The following CD300C variants were observed in gnomAD, a reference collection of about 807,000 sequenced individuals.
CD300C encodes CMRF35-like molecule 6.
A neutral mutation model predicts 18.4 loss-of-function variants in CD300C; 11 were observed. The ratio of observed to expected loss-of-function variants is 0.60; its 90% CI spans 0.38 to 0.99. CD300C has a LOEUF of 0.99. Ranked by LOEUF, CD300C falls within the 50% of genes least tolerant of loss-of-function variation. The pLI is 0.01. For synonymous variants in CD300C, 116 were observed against 116.3 expected, an observed-to-expected ratio of 1.00 and a Z score of 0.02; for missense variants, 277 against 287.4, an observed-to-expected ratio of 0.96 and a Z score of 0.26.
intron 1 of CD300C, among the ~76,000 whole-genome samples, chr17:74,545,251 AGTGTGACTGT>A (rs947694709): frequency 2.5e-4 from 38 of 150,660 alleles, no homozygotes; most frequent in Admixed American, 5.9e-4. Flanking sequence ...TGTCTGTGTG[AGTGTGACTGT>A]GTGTGACTGT....
In CD300C at chr17:74,541,651, C is replaced by A; in HGVS notation, c.613G>T (p.Val205Leu). ...CTAGAGCTTCTCTGAGGTCTGTTCA[C>A]CCAGAGGACGGCACCCAGCATGCTC... is the stretch of plus-strand genomic sequence containing the variant. ...LLSMLGAVLWVNRPQRSSRSR... is the reference protein window; with the variant it reads ...LLSMLGAVLWLNRPQRSSRSR... The change falls in exon 4 of 4, where the codon GTG (valine) becomes TTG (leucine). Residue 205 changes from valine to leucine, a missense_variant. Val to Leu is a conservative substitution (Grantham distance 32). Coordinates refer to ENST00000330793, the MANE Select transcript of CD300C (RefSeq NM_006678.5). 6.2e-7 allele frequency: 1 copy of A among 1,614,048 alleles called. No homozygotes were observed. Among genetic ancestry groups the A allele is most frequent in the South Asian group, 1.1e-5 (1 of 91,070 alleles).
chr17:74,539,478 C>A (rs1158952234), downstream of CD300C, among the ~76,000 whole-genome samples: 1 of 152,122 alleles, frequency 6.6e-6, no homozygotes, highest in South Asian at 2.1e-4. Context: ...TCATCCCTTT[C>A]ATTCTCCCCA....
chr17:74,545,664 C>T (rs1908734876), intron 1 of CD300C, 58 bp downstream of exon 1: 2 of 1,376,488 alleles, frequency 1.5e-6, no homozygotes, highest in South Asian at 1.2e-5. Context: ...GCCTGCACCC[C>T]TCCCTGCCCT....
Sources: gnomAD v4.1 joint callset for allele counts (sites outside exome capture counted in the v4.1 genomes callset) on GRCh38, gnomAD v4.1.1 for gene constraint, MANE v1.5 for transcripts, NCBI Gene and HGNC (gene_info 2026-07-23, HGNC 2026-07-21) for gene names.